Variants in CNTN5 observed in about 807,000 individuals in gnomAD.
The protein encoded by CNTN5 is contactin 5.
A neutral mutation model predicts 129.1 loss-of-function variants in CNTN5; 77 were observed. The observed-to-expected ratio is 0.60, with a 90% CI of 0.50 to 0.72. The LOEUF (loss-of-function observed/expected upper bound fraction) is 0.72, where lower values mean the gene tolerates loss of function less well. CNTN5 is among the 30% of genes least tolerant of loss of function. CNTN5 has a pLI of 0.00. For synonymous variants in CNTN5, 509 were observed against 465.6 expected (o/e 1.09, Z -1.20); for missense variants, 1,478 against 1,328.8 (o/e 1.11, Z -1.75).
intron 3 of CNTN5, among the ~76,000 whole-genome samples, chr11:99,577,921 G>A (rs1033512699): frequency 1.3e-5 from 2 of 151,566 alleles, no homozygotes; most frequent in East Asian, 3.9e-4. Flanking sequence ...TTGGTGTGCT[G>A]CACCCATTAA....
intron 3 of CNTN5, among the ~76,000 whole-genome samples, chr11:99,660,329 G>A (rs2135913912): frequency 6.6e-6 from 1 of 152,250 alleles, no homozygotes; most frequent in South Asian, 2.1e-4. Flanking sequence ...TAATGATTTT[G>A]TGAAGTGGGG....
chr11:100,041,187 C>T (rs886820437), intron 9 of CNTN5, among the ~76,000 whole-genome samples: 2 of 152,170 alleles, frequency 1.3e-5, no homozygotes, highest in African/African-American at 4.8e-5. Flanking sequence ...AGACTACTGA[C>T]TCTTCCTAGA....
chr11:100,212,344 T>A (rs1335440735), intron 15 of CNTN5, among the ~76,000 whole-genome samples: 1 of 152,152 alleles, frequency 6.6e-6, no homozygotes, highest in East Asian at 1.9e-4. Context: ...TTTCCTTTGT[T>A]GAGAGATTTC....
intron 3 of CNTN5, among the ~76,000 whole-genome samples, chr11:99,736,303 A>G (rs779068132): frequency 2.6e-5 from 4 of 152,170 alleles, no homozygotes; most frequent in African/African-American, 4.8e-5. Flanking sequence ...GGATTGGCTA[A>G]TTTGAATAAT....
At chr11:99,450,773 T>C (rs1340077290) in intron 2 of CNTN5, among the ~76,000 whole-genome samples, 1 of 149,242 alleles carries the variant, frequency 6.7e-6, no homozygotes, top group African/African-American at 2.5e-5. Flanking sequence ...AGCAAGTTTT[T>C]TTTTTTTTTT....
At chr11:99,306,188 G>T (rs1318106938) in intron 1 of CNTN5, among the ~76,000 whole-genome samples, 3 of 152,072 alleles carry the variant, frequency 2.0e-5, no homozygotes, top group African/African-American at 7.2e-5. Flanking sequence ...ATGATATTAA[G>T]CTTTGTAACA....
intron 2 of CNTN5, among the ~76,000 whole-genome samples, chr11:99,398,088 A>C (rs1458169863): frequency 6.6e-6 from 1 of 151,984 alleles, no homozygotes; most frequent in Middle Eastern, 3.4e-3. Flanking sequence ...CCTGGCTCCG[A>C]CTGTCAGCCA....
chr11:99,971,315 C>A (rs1288058846), intron 8 of CNTN5, among the ~76,000 whole-genome samples: 1 of 152,018 alleles, frequency 6.6e-6, no homozygotes, highest in African/African-American at 2.4e-5. Context: ...GAGGCCAGGG[C>A]AGGTGGATCA....
At chr11:99,550,302 C>G (rs1040617321) in intron 2 of CNTN5, among the ~76,000 whole-genome samples, 2 of 152,138 alleles carry the variant, frequency 1.3e-5, no homozygotes, top group African/African-American at 4.8e-5. Flanking sequence ...AGATATATGA[C>G]AGCAAGCAAT....
chr11:99,295,960 T>C (rs1020986216), intron 1 of CNTN5, among the ~76,000 whole-genome samples: 12 of 151,856 alleles, frequency 7.9e-5, no homozygotes, highest in African/African-American at 2.2e-4. Context: ...CTCACCTACA[T>C]TGGGCCTTTA....
intron 1 of CNTN5, among the ~76,000 whole-genome samples, chr11:99,112,379 T>A (rs920276096): frequency 6.6e-6 from 1 of 152,050 alleles, no homozygotes; most frequent in African/African-American, 2.4e-5. Flanking sequence ...GAAATCAGCT[T>A]ATTTGCCATA....
chr11:100,265,210 C>T (rs1034343933), intron 17 of CNTN5, among the ~76,000 whole-genome samples: 4 of 152,092 alleles, frequency 2.6e-5, no homozygotes, highest in African/African-American at 9.7e-5. Context: ...TGTATTTACC[C>T]TTCATGGTGC....
At chr11:99,751,169 T>A (rs1944222646) in intron 3 of CNTN5, among the ~76,000 whole-genome samples, 1 of 152,088 alleles carries the variant, frequency 6.6e-6, no homozygotes. Flanking sequence ...AAATCTCGTC[T>A]CTACTAAAAA....
At chr11:99,940,103 T>C (rs376126720) in intron 7 of CNTN5, among the ~76,000 whole-genome samples, 31 of 152,202 alleles carry the variant, frequency 2.0e-4, no homozygotes, top group African/African-American at 6.7e-4. Flanking sequence ...AGCAGGATGC[T>C]ATCAGCATCT....
At chr11:99,348,848 C>T (rs549010320) in intron 2 of CNTN5, among the ~76,000 whole-genome samples, 38 of 152,320 alleles carry the variant, frequency 2.5e-4, no homozygotes, top group East Asian at 5.8e-4. Flanking sequence ...TGCAATGTCA[C>T]CCAGTGGTGC....
chr11:99,709,515 GAC>G (rs1281561440), intron 3 of CNTN5, among the ~76,000 whole-genome samples: 1 of 151,670 alleles, frequency 6.6e-6, no homozygotes, highest in Non-Finnish European at 1.5e-5. Flanking sequence ...TAAAAATAAA[GAC>G]ACATATGCAT....
intron 16 of CNTN5, among the ~76,000 whole-genome samples, chr11:100,240,001 T>G (rs573493022): frequency 5.9e-5 from 9 of 152,352 alleles, no homozygotes; most frequent in African/African-American, 1.9e-4. Flanking sequence ...AAACTTCATT[T>G]GAAATACTTA....
At chr11:99,456,057 A>G (rs1486772218) in intron 2 of CNTN5, among the ~76,000 whole-genome samples, 2 of 152,178 alleles carry the variant, frequency 1.3e-5, no homozygotes, top group Non-Finnish European at 2.9e-5. Flanking sequence ...CATAGTTTCT[A>G]AAGACAATTT....
intron 6 of CNTN5, among the ~76,000 whole-genome samples, chr11:99,885,770 A>C (rs192291541): frequency 6.6e-6 from 1 of 152,286 alleles, no homozygotes; most frequent in Non-Finnish European, 1.5e-5. Context: ...AAGAATGAGA[A>C]AAACGGCACA....
Sources: allele counts gnomAD v4.1 joint callset (sites outside exome capture counted in the v4.1 genomes callset), GRCh38; gene constraint gnomAD v4.1.1; transcripts MANE v1.5; gene names NCBI Gene and HGNC (gene_info 2026-07-23, HGNC 2026-07-21).